Variants in ABHD17A observed in about 807,000 individuals in gnomAD.
ABHD17A encodes the protein abhydrolase domain containing 17A, depalmitoylase.
Under a neutral mutation model 26.8 loss-of-function variants are expected in ABHD17A, and 10 were observed. The observed-to-expected ratio is 0.37, with a 90% CI of 0.23 to 0.63. The LOEUF is 0.63. Ranked by LOEUF, ABHD17A falls within the 30% of genes least tolerant of loss-of-function variation. The pLI, the probability that ABHD17A is intolerant of heterozygous loss-of-function variation, is 0.61. For synonymous variants in ABHD17A, 167 were observed against 210.9 expected (o/e 0.79, Z 1.80); for missense variants, 292 against 457.3 (o/e 0.64, Z 3.30).
In ABHD17A at chr19:1,881,422, C is replaced by T. The variant is rs752574818; in HGVS notation, c.145G>A (p.Gly49Arg). 6.2e-6 allele frequency: 10 copies of T among 1,602,084 alleles called. No individual in the cohort carries two copies. Among genetic ancestry groups the T allele is most frequent in the African/African-American group, 1.3e-5 (1 of 74,892 alleles). Residue 49 changes from glycine (G) to arginine (R), a missense_variant, in exon 2 of 5, where the codon GGG becomes AGG. Physicochemically the swap from Gly to Arg is moderately radical, Grantham distance 125 (BLOSUM62 -2). Transcript: ENST00000292577. ...CTCAGGGTCCCCAAGGGGGCGGCCC[C>T]GGCCCCACCAGGCCCCGGCTCGGGC... The part of the protein sequence containing the change: ...PEPEPGPGGA[G>R]AAPLGTLRAS...
chr19:1,883,379 G>GCGT (rs1220044677), intron 1 of ABHD17A: 1 of 152,482 alleles, frequency 6.6e-6, no homozygotes, highest in Non-Finnish European at 1.5e-5. Context: ...AACATCCACA[G>GCGT]CGTCGAGGTT....
chr19:1,881,326 G>T lies in ABHD17A; in HGVS notation c.241C>A (p.Arg81Ser). The change falls in exon 2 of 5, where the codon CGC becomes AGC. Residue 81 changes from arginine to serine, a missense_variant. Transcript: ENST00000292577. Reference protein sequence around the residue: ...TERADFQYSQRELDTIEVFPT... With the variant: ...TERADFQYSQSELDTIEVFPT... Reference sequence around the variant, plus strand: ...AAGACCTCGATGGTGTCCAGCTCGCGCTGGCTGTACTGGAAGTCGGCACGC... The same window carrying T: ...AAGACCTCGATGGTGTCCAGCTCGCTCTGGCTGTACTGGAAGTCGGCACGC... 1 of 1,610,546 alleles carries T rather than the reference G, an allele frequency of 6.2e-7. No individual in the cohort carries two copies. Among genetic ancestry groups the T allele is most frequent in the Non-Finnish European group, 8.5e-7 (1 of 1,179,674 alleles).
In ABHD17A at chr19:1,881,717, G is replaced by C. The variant is rs1437036800; in HGVS notation, c.-151C>G. ...ACCGCCCCAGACAGCAGCCCCGTTA[G>C]GAGGCCAGGGCCCAGCCCCATCGCG... On this transcript the variant is annotated 5_prime_UTR_variant, in exon 2 of 5. Coordinates refer to ENST00000292577, the MANE Select transcript of ABHD17A (RefSeq NM_001130111.2). 1 of 1,148,512 alleles carries C rather than the reference G, an allele frequency of 8.7e-7. No homozygotes were observed. Among genetic ancestry groups the C allele is most frequent in the East Asian group, 3.1e-5 (1 of 32,002 alleles). 71.1% of individuals were successfully genotyped at this position (1,148,512 alleles called of 1,614,324 possible).
At chr19:1,883,230 G>C (rs2094122304) in intron 1 of ABHD17A, 1 of 152,252 alleles carries the variant, frequency 6.6e-6, no homozygotes, top group African/African-American at 2.4e-5. Flanking sequence ...CTGCTTCTCA[G>C]ATGGAGGCGA....
Position 1,885,483 on chromosome 19 carries a change from C to G in ABHD17A, c.-370G>C, listed in dbSNP as rs2012658745. 6.6e-6 allele frequency: 1 copy of G among 152,242 alleles called. No homozygotes were observed. The highest frequency in any genetic ancestry group is 2.4e-5 in the African/African-American group (1 of 41,414). 9.4% of individuals were successfully genotyped at this position (152,242 alleles called of 1,614,324 possible). A position where few individuals can be genotyped will look rare whatever the true frequency, so the allele number is the denominator to read the frequency against. ...CCACCGCCGCAGCTCCCCCCACGGA[C>G]GGAAGTGAGCCTCGTTCTCACCACC... is the stretch of plus-strand genomic sequence containing the variant. On this transcript the variant is annotated 5_prime_UTR_variant, in exon 1 of 5. Coordinates refer to ENST00000292577, the MANE Select transcript of ABHD17A (RefSeq NM_001130111.2).
At chr19:1,884,117 C>T (rs549037072) in intron 1 of ABHD17A, among the ~76,000 whole-genome samples, 2 of 152,298 alleles carry the variant, frequency 1.3e-5, no homozygotes, top group Admixed American at 6.5e-5. Context: ...ACCCCTTACA[C>T]GCTCTTTCCA....
In ABHD17A at chr19:1,880,094, G is replaced by C; in HGVS notation, c.354C>G (p.His118Gln). The C allele has an allele frequency of 1.2e-6, 2 of 1,613,144 alleles. No individual in the cohort carries two copies. Among genetic ancestry groups the C allele is most frequent in the Non-Finnish European group, 8.5e-7 (1 of 1,179,976 alleles). Residue 118 changes from histidine (H) to glutamine (Q), a missense_variant, in exon 3 of 5, where the codon CAC becomes CAG. His to Gln is a conservative substitution (Grantham distance 24, BLOSUM62 0). Transcript: ENST00000292577. This position sits in a 1 kb window ranked among gnomAD's most constrained non-coding sequence, Gnocchi z 4.1. ...PGARYTVLFS[H>Q]GNAVDLGQMS... is the part of the protein sequence containing the mutation. ...TCTGGCCCAGGTCCACGGCATTGCC[G>C]TGCGAGAAGAGGACCGTGTACCTGG... is the stretch of plus-strand genomic sequence containing the variant.
intron 1 of ABHD17A, among the ~76,000 whole-genome samples, chr19:1,885,050 G>T (rs1312066509): frequency 2.0e-5 from 3 of 152,218 alleles, no homozygotes; most frequent in Non-Finnish European, 4.4e-5. Flanking sequence ...ACTGGGGGCA[G>T]TTTCGGGGCA....
In ABHD17A at chr19:1,876,939, AGAGT is replaced by A. The variant is rs1250953093; in HGVS notation, c.*257_*260del. The A allele has an allele frequency of 1.2e-5, 6 of 500,414 alleles. No homozygotes were observed. The East Asian group carries it at 2.2e-4, about 19-fold the overall frequency. The allele number at this position is 500,414 out of a possible 1,614,324, so 31.0% of individuals were successfully genotyped here. On this transcript the variant is annotated 3_prime_UTR_variant, in exon 5 of 5. Transcript: ENST00000292577. ...CTTTCGAGCTCGCTGAGCGCTCGAG[AGAGT>A]GAGCAGAGCCATGAAAGGAAGGAGA...
At chr19:1,884,799 A>G (rs1360018215) in intron 1 of ABHD17A, among the ~76,000 whole-genome samples, 2 of 152,138 alleles carry the variant, frequency 1.3e-5, no homozygotes, top group African/African-American at 4.8e-5. Context: ...GAGAGTTTGC[A>G]CTTCATCCTG....
chr19:1,879,970 T>C lies in ABHD17A; in HGVS notation c.478A>G (p.Arg160Gly). Residue 160 changes from arginine (R) to glycine (G), a missense_variant, in exon 3 of 5, where the codon AGG (arginine) becomes GGG (glycine). Around this residue, in one of 4 missense-constraint regions of ABHD17A, gnomAD observed 25 missense variants for 40.3 expected, o/e 0.62. Transcript: ENST00000292577. This position sits in a 1 kb window ranked among gnomAD's most constrained non-coding sequence, Gnocchi z 7.6. Reference protein sequence around the residue: ...YGASSGRPSERNLYADIDAAW... With the variant: ...YGASSGRPSEGNLYADIDAAW... The stretch of plus-strand genomic sequence containing the variant: ...GCGTCGATGTCGGCATAGAGGTTCC[T>C]CTCGGAAGGCCTGCCCGAGCTGGCA... The C allele has an allele frequency of 6.2e-7, 1 of 1,613,106 alleles. No individual in the cohort carries two copies. Among genetic ancestry groups the C allele is most frequent in the Non-Finnish European group, 8.5e-7 (1 of 1,179,968 alleles).
chr19:1,877,214 T>G lies in ABHD17A; in HGVS notation c.919A>C (p.Ser307Arg). ...LRRFISQELP[S>R]QRA The stretch of plus-strand genomic sequence containing the variant: ...TGGGGCCGCCGCTAGGCGCGCTGGC[T>G]GGGCAGCTCCTGGGAGATGAAGCGA... Residue 307 changes from serine to arginine, a missense_variant, in exon 5 of 5, where the codon AGC becomes CGC. Transcript: ENST00000292577. 6.7e-7 allele frequency: 1 copy of G among 1,485,086 alleles called. No homozygotes were observed. Among genetic ancestry groups the G allele is most frequent in the Non-Finnish European group, 9.1e-7 (1 of 1,097,834 alleles). The allele number at this position is 1,485,086 out of a possible 1,614,324, so 92.0% of individuals were successfully genotyped here. A position where few individuals can be genotyped will look rare whatever the true frequency, so the allele number is the denominator to read the frequency against.
At position 1,877,124 on chromosome 19, in the gene ABHD17A, C is replaced by T; in HGVS notation, c.*76G>A. ...GGCCGCCCGGGGGGTCCACATGCAG[C>T]CCCTGGGTGGGGGCCGGCGCGGGGT... is the stretch of plus-strand genomic sequence containing the variant. On this transcript the variant is annotated 3_prime_UTR_variant, in exon 5 of 5. Coordinates refer to ENST00000292577, the MANE Select transcript of ABHD17A (RefSeq NM_001130111.2). 1.4e-6 allele frequency: 2 copies of T among 1,433,712 alleles called. No homozygotes were observed. Among genetic ancestry groups the T allele is most frequent in the Non-Finnish European group, 1.9e-6 (2 of 1,063,120 alleles). The allele number at this position is 1,433,712 out of a possible 1,614,324, so 88.8% of individuals were successfully genotyped here. A position where few individuals can be genotyped will look rare whatever the true frequency, so the allele number is the denominator to read the frequency against.
chr19:1,882,282 G>A (rs1448975214), intron 1 of ABHD17A: 1 of 152,346 alleles, frequency 6.6e-6, no homozygotes, highest in African/African-American at 2.4e-5. Flanking sequence ...ACCCGAACAG[G>A]CCCCGCTACG....
chr19:1,881,100 C>T (rs2145393429), intron 2 of ABHD17A, 135 bp downstream of exon 2: 2 of 1,572,718 alleles, frequency 1.3e-6, no homozygotes, highest in Admixed American at 1.8e-5. Flanking sequence ...GGGGATACCA[C>T]CCTTGCTGGC....
In ABHD17A at chr19:1,881,671, G is replaced by C. The variant is rs1035650187; in HGVS notation, c.-105C>G. 3.0e-5 allele frequency: 42 copies of C among 1,381,758 alleles called. No homozygotes were observed. Among genetic ancestry groups the C allele is most frequent in the Non-Finnish European group, 3.7e-5 (40 of 1,074,838 alleles). 85.6% of individuals were successfully genotyped at this position (1,381,758 alleles called of 1,614,324 possible). On this transcript the variant is annotated 5_prime_UTR_variant, in exon 2 of 5. Transcript: ENST00000292577. Reference sequence around the variant, plus strand: ...GGGGGTGCTCCGAGTCGCGGGCAGGGGGGAGAGCGCCCCCCCAGCTACCGC... The same window carrying C: ...GGGGGTGCTCCGAGTCGCGGGCAGGCGGGAGAGCGCCCCCCCAGCTACCGC...
chr19:1,878,652 C>G lies in ABHD17A; in HGVS notation c.528-965G>C, dbSNP rs372009145. ...CCAGCCTCCTGGCAGCACTCCACAG[C>G]TCGCCACTCACCCATGCCCCAAAGG... On this transcript the variant is annotated intron_variant, in intron 3 of 4. Coordinates refer to ENST00000292577, the MANE Select transcript of ABHD17A (RefSeq NM_001130111.2). 165 of 152,592 alleles carry G rather than the reference C, an allele frequency of 1.1e-3. No homozygotes were observed. The East Asian group carries it at 0.018, about 16-fold the overall frequency. 9.5% of individuals were successfully genotyped at this position (152,592 alleles called of 1,614,324 possible).
At chr19:1,884,848 G>C (rs1359333881) in intron 1 of ABHD17A, among the ~76,000 whole-genome samples, 1 of 152,160 alleles carries the variant, frequency 6.6e-6, no homozygotes, top group African/African-American at 2.4e-5. Flanking sequence ...CCGAGCAAGC[G>C]ATGGACAACA....
rs753507357 is a variant in ABHD17A, at chr19:1,881,478, G to A, written c.89C>T (p.Pro30Leu). ...GRIAAKLAFLPPEATYSLVPE... is the reference protein window; with the variant it reads ...GRIAAKLAFLLPEATYSLVPE... Reference sequence around the variant, plus strand: ...CACCAGGGAGTAGGTGGCCTCCGGCGGCAGGAAGGCGAGCTTGGCAGCGAT... The same window carrying A: ...CACCAGGGAGTAGGTGGCCTCCGGCAGCAGGAAGGCGAGCTTGGCAGCGAT... The change falls in exon 2 of 5, where the codon CCG (proline) becomes CTG (leucine). Residue 30 changes from proline (P) to leucine (L), a missense_variant. By Grantham distance (98) the Pro-to-Leu change is moderately conservative (BLOSUM62 -3). Around this residue, in one of 4 missense-constraint regions of ABHD17A, gnomAD observed 171 missense variants for 216.1 expected, o/e 0.79. Coordinates refer to ENST00000292577, the MANE Select transcript of ABHD17A (RefSeq NM_001130111.2). 10 of 1,602,626 alleles carry A rather than the reference G, an allele frequency of 6.2e-6. No individual in the cohort carries two copies. The highest frequency in any genetic ancestry group is 1.3e-5 in the African/African-American group (1 of 74,800).
Sources: allele counts gnomAD v4.1 joint callset (sites outside exome capture counted in the v4.1 genomes callset), GRCh38; gene constraint gnomAD v4.1.1; regional missense constraint gnomAD v4.1.1; non-coding constraint Gnocchi (gnomAD v3.1); transcripts MANE v1.5; gene names NCBI Gene and HGNC (gene_info 2026-07-23, HGNC 2026-07-21).